Variants in TPH1 observed in about 807,000 individuals in gnomAD.
TPH1 encodes the protein tryptophan hydroxylase 1.
TPH1 carries 37 observed loss-of-function variants against 49.5 expected under a neutral mutation model. The ratio of observed to expected loss-of-function variants is 0.75; its 90% CI spans 0.58 to 0.98. The LOEUF (loss-of-function observed/expected upper bound fraction) is 0.98, where lower values mean the gene tolerates loss of function less well. Among genes scored for constraint, TPH1 ranks in the 50% least tolerant of loss-of-function variants. The pLI is 0.00. For synonymous variants in TPH1, 160 were observed against 182.1 expected (o/e 0.88, Z 0.98); for missense variants, 487 against 523.6 (o/e 0.93, Z 0.68).
At chr11:18,024,965 T>C (rs1193115402) in intron 8 of TPH1, among the ~76,000 whole-genome samples, 1 of 152,188 alleles carries the variant, frequency 6.6e-6, no homozygotes, top group Non-Finnish European at 1.5e-5. Context: ...GATGTCCTTC[T>C]CCCAGGAAAC....
At chr11:18,030,265 A>C (rs1165073623) in intron 4 of TPH1, among the ~76,000 whole-genome samples, 2 of 151,998 alleles carry the variant, frequency 1.3e-5, no homozygotes, top group Non-Finnish European at 2.9e-5. Flanking sequence ...TTAAAATAAC[A>C]ATTATAACTA....
chr11:18,033,490 C>G, intron 3 of TPH1, 116 bp from the exon 4 acceptor site: 2 of 818,270 alleles, frequency 2.4e-6, no homozygotes, highest in Non-Finnish European at 4.0e-6. Context: ...TTAATTTTAG[C>G]TTGTACATCA....
intron 1 of TPH1, among the ~76,000 whole-genome samples, chr11:18,044,567 C>G (rs1039144049): frequency 2.0e-5 from 3 of 151,686 alleles, no homozygotes; most frequent in African/African-American, 7.3e-5. Context: ...AATAATCTTA[C>G]AGGACATAGA....
Position 18,019,693 on chromosome 11 carries a change from G to C in TPH1, c.*1298C>G, listed in dbSNP as rs1364220176. The C allele has an allele frequency of 2.2e-6, 1 of 464,192 alleles. No individual in the cohort carries two copies. Among genetic ancestry groups the C allele is most frequent in the Non-Finnish European group, 4.3e-6 (1 of 230,856 alleles). 28.8% of individuals were successfully genotyped at this position (464,192 alleles called of 1,614,324 possible). A position where few individuals can be genotyped will look rare whatever the true frequency, so the allele number is the denominator to read the frequency against. On this transcript the variant is annotated 3_prime_UTR_variant, in exon 11 of 11. Coordinates refer to ENST00000682019, the MANE Select transcript of TPH1 (RefSeq NM_004179.3). ...TCCCCATGAAGAGATGGCAAAAAGA[G>C]TAGAAGTGCAAAGACAGAAACTTGA... is the stretch of plus-strand genomic sequence containing the variant.
At chr11:18,023,782 C>G in intron 9 of TPH1, 106 bp downstream of exon 9, 2 of 785,906 alleles carry the variant, frequency 2.5e-6, no homozygotes, top group South Asian at 2.9e-5. Context: ...AGTGACATCC[C>G]CAAGTATGTT....
chr11:18,040,636 A>C lies in TPH1; in HGVS notation c.117+10T>G, dbSNP rs1241131095. 3 of 1,608,996 alleles carry C rather than the reference A, an allele frequency of 1.9e-6. No homozygotes were observed. Among genetic ancestry groups the C allele is most frequent in the Non-Finnish European group, 2.5e-6 (3 of 1,177,444 alleles). On this transcript the variant is annotated intron_variant, in intron 2 of 10. Coordinates refer to ENST00000682019, the MANE Select transcript of TPH1 (RefSeq NM_004179.3). The stretch of plus-strand genomic sequence containing the variant: ...GAAGAATTCTGTGCAAAAATACAGA[A>C]AATGCTTACCTGAAAGATTTTCAGG...
Position 18,019,579 on chromosome 11 carries a change from CA to C in TPH1, c.*1411del, listed in dbSNP as rs1285728988. 7 of 449,692 alleles carry C rather than the reference CA, an allele frequency of 1.6e-5. No individual in the cohort carries two copies. The highest frequency in any genetic ancestry group is 3.1e-5 in the Non-Finnish European group (7 of 224,272). 27.9% of individuals were successfully genotyped at this position (449,692 alleles called of 1,614,324 possible). On this transcript the variant is annotated 3_prime_UTR_variant, in exon 11 of 11. Transcript: ENST00000682019. ...CCAGGAGTTCGTTGGAATTAAGGGG[CA>C]AAAAAATTCAAGAAAGATGTCAGGG...
intron 3 of TPH1, 151 bp downstream of exon 3, chr11:18,035,808 G>T (rs1848043092): frequency 1.6e-6 from 1 of 629,950 alleles, no homozygotes; most frequent in South Asian, 2.0e-5. Flanking sequence ...GGTATCTGGA[G>T]CAACTATATT....
Position 18,029,292 on chromosome 11 carries a change from C to G in TPH1, c.540G>C (p.Glu180Asp). ...EIKTWGTVFQ[E>D]LNKLYPTHAC... Reference sequence around the variant, plus strand: ...CATGGGTTGGGTAGAGTTTGTTGAGCTCTTGGAATACGGTTCCCCAGGTCT... The same window carrying G: ...CATGGGTTGGGTAGAGTTTGTTGAGGTCTTGGAATACGGTTCCCCAGGTCT... The change falls in exon 6 of 11, where the codon GAG (glutamate) becomes GAC (aspartate). Residue 180 changes from glutamate to aspartate, a missense_variant. Transcript: ENST00000682019. 6.2e-7 allele frequency: 1 copy of G among 1,613,978 alleles called. No homozygotes were observed. Among genetic ancestry groups the G allele is most frequent in the Middle Eastern group, 1.6e-4 (1 of 6,062 alleles).
At chr11:18,042,235 A>G (rs1415208692) in intron 1 of TPH1, 1 of 377,132 alleles carries the variant, frequency 2.7e-6, no homozygotes, top group South Asian at 2.0e-5. Flanking sequence ...ACCATTTCTT[A>G]AGGTAAACTT....
In TPH1 at chr11:18,021,090, T is replaced by A. The variant is rs373007100; in HGVS notation, c.1236A>T (p.Lys412Asn). ...NPYTRSIQIL[K>N]DTKSITSAMN... ...TGGCACTGGTTATGCTCTTGGTGTCTTTCAGGATCTGAATACTCCGTGTAT... is the reference window on the plus strand; with the variant it reads ...TGGCACTGGTTATGCTCTTGGTGTCATTCAGGATCTGAATACTCCGTGTAT... The change falls in exon 11 of 11, where the codon AAA becomes AAT. Residue 412 changes from lysine (K) to asparagine (N), a missense_variant. By Grantham distance (94) the Lys-to-Asn change is moderately conservative. Coordinates refer to ENST00000682019, the MANE Select transcript of TPH1 (RefSeq NM_004179.3). The A allele has an allele frequency of 1.1e-5, 18 of 1,614,066 alleles. No individual in the cohort carries two copies. Among genetic ancestry groups the A allele is most frequent in the Non-Finnish European group, 1.5e-5 (18 of 1,180,002 alleles).
intron 1 of TPH1, among the ~76,000 whole-genome samples, chr11:18,045,984 T>C (rs75624968): frequency 0.023 from 3,486 of 152,138 alleles, 113 homozygotes; most frequent in African/African-American, 0.08. Flanking sequence ...GTCATGAAGG[T>C]GAAATCTCAT....
Position 18,019,143 on chromosome 11 carries a change from A to T in TPH1, c.*1848T>A, listed in dbSNP as rs1191484889. Reference sequence around the variant, plus strand: ...GTAAAAATTTAAAACAGCATGAATTATTCTTCAAAATTCTATTTCCTTATA... The same window carrying T: ...GTAAAAATTTAAAACAGCATGAATTTTTCTTCAAAATTCTATTTCCTTATA... On this transcript the variant is annotated 3_prime_UTR_variant, in exon 11 of 11. Coordinates refer to ENST00000682019, the MANE Select transcript of TPH1 (RefSeq NM_004179.3). 6.6e-6 allele frequency: 1 copy of T among 152,432 alleles called. No homozygotes were observed. The highest frequency in any genetic ancestry group is 1.5e-5 in the Non-Finnish European group (1 of 68,196). The allele number at this position is 152,432 out of a possible 1,614,324, so 9.4% of individuals were successfully genotyped here.
intron 10 of TPH1, among the ~76,000 whole-genome samples, chr11:18,021,959 T>C (rs968794710): frequency 6.6e-6 from 1 of 152,140 alleles, no homozygotes; most frequent in African/African-American, 2.4e-5. Context: ...AAAGTTGACA[T>C]TTATGCTAGA....
rs146249546 is a variant in TPH1 at position 18,033,817 on chromosome 11, C to T, written c.302-443G>A. Among the ~76,000 whole-genome samples the T allele has an allele frequency of 2.0e-5, 3 of 152,276 alleles. No homozygotes were observed. The East Asian group carries it at 5.8e-4, about 29-fold the overall frequency. Reference sequence around the variant, plus strand: ...TGCCACCTTGATCTTCTCACCATTCCTCAGACACGCAAGCCCTCATAAGAC... The same window carrying T: ...TGCCACCTTGATCTTCTCACCATTCTTCAGACACGCAAGCCCTCATAAGAC... On this transcript the variant is annotated intron_variant, in intron 3 of 10. Transcript: ENST00000682019.
At chr11:18,026,991 C>A (rs1433288645) in intron 6 of TPH1, among the ~76,000 whole-genome samples, 1 of 152,172 alleles carries the variant, frequency 6.6e-6, no homozygotes, top group African/African-American at 2.4e-5. Flanking sequence ...CTTGCTGTCT[C>A]CCTTAAGGGG....
intron 1 of TPH1, among the ~76,000 whole-genome samples, chr11:18,044,630 A>G (rs891611069): frequency 2.6e-5 from 4 of 151,950 alleles, no homozygotes; most frequent in African/African-American, 9.7e-5. Flanking sequence ...GACAGAGCTT[A>G]TGAGGCATCA....
At chr11:18,045,024 C>T (rs906065673) in intron 1 of TPH1, among the ~76,000 whole-genome samples, 1 of 152,158 alleles carries the variant, frequency 6.6e-6, no homozygotes, top group African/African-American at 2.4e-5. Flanking sequence ...TCAACAGACC[C>T]GACCCTTGGG....
At chr11:18,040,861 G>T (rs1848093608) in intron 1 of TPH1, 73 bp from the exon 2 acceptor site, 5 of 1,389,654 alleles carry the variant, frequency 3.6e-6, no homozygotes, top group East Asian at 2.4e-5. Flanking sequence ...ATAACTAAGG[G>T]CTCATTTACT....
Sources: allele counts gnomAD v4.1 joint callset (sites outside exome capture counted in the v4.1 genomes callset), GRCh38; gene constraint gnomAD v4.1.1; transcripts MANE v1.5; gene names NCBI Gene and HGNC (gene_info 2026-07-23, HGNC 2026-07-21).